Variants in GPHN observed in about 807,000 individuals in gnomAD.
GPHN encodes the protein gephyrin.
A neutral mutation model predicts 95.5 loss-of-function variants in GPHN; 17 were observed. The ratio of observed to expected loss-of-function variants is 0.18; its 90% CI spans 0.12 to 0.27. The LOEUF (loss-of-function observed/expected upper bound fraction) is 0.27. Ranked by LOEUF, GPHN falls within the 10% of genes least tolerant of loss-of-function variation. GPHN has a pLI of 1.00. For synonymous variants in GPHN, 320 were observed against 322.5 expected, an observed-to-expected ratio of 0.99 and a Z score of 0.08; for missense variants, 660 against 978.1, an observed-to-expected ratio of 0.67 and a Z score of 4.34.
chr14:67,442,198 G>A, the GPHN span, among the ~76,000 whole-genome samples: 1 of 152,114 alleles, frequency 6.6e-6, no homozygotes, highest in Non-Finnish European at 1.5e-5. Flanking sequence ...TAAGCGCCAT[G>A]AAAGCCATGA....
chr14:66,611,619 A>G (rs1233261533), intron 1 of GPHN, among the ~76,000 whole-genome samples: 1 of 152,182 alleles, frequency 6.6e-6, no homozygotes, highest in East Asian at 1.9e-4. Flanking sequence ...AATTGGTATC[A>G]GACCTCATGA....
intron 10 of GPHN, among the ~76,000 whole-genome samples, chr14:67,050,871 CA>C (rs2075274760): frequency 6.6e-6 from 1 of 152,180 alleles, no homozygotes; most frequent in Non-Finnish European, 1.5e-5. Flanking sequence ...AGGATCCACA[CA>C]GGGGAAGGGG....
the GPHN span, chr14:67,316,767 TA>T: frequency 2.9e-3 from 3,686 of 1,267,028 alleles, no homozygotes; most frequent in Non-Finnish European, 3.3e-3. Flanking sequence ...CCTTCTTGAT[TA>T]AAAAAAAAAT....
At chr14:66,873,550 G>A (rs376749566) in intron 4 of GPHN, among the ~76,000 whole-genome samples, 28 of 152,284 alleles carry the variant, frequency 1.8e-4, no homozygotes, top group African/African-American at 6.0e-4. Flanking sequence ...GTCTGAAGTC[G>A]ACCTGGGGCA....
intron 2 of GPHN, among the ~76,000 whole-genome samples, chr14:66,770,985 G>T (rs545029083): frequency 6.6e-6 from 1 of 152,248 alleles, no homozygotes; most frequent in South Asian, 2.1e-4. Flanking sequence ...AGAAAGGACT[G>T]CTGGAAAGAT....
chr14:67,547,705 G>A, the GPHN span, among the ~76,000 whole-genome samples: 9 of 152,358 alleles, frequency 5.9e-5, no homozygotes, highest in African/African-American at 1.9e-4. Context: ...AGACCTGCCT[G>A]TGGGCTGCGG....
At chr14:66,799,368 T>G (rs1372934206) in intron 3 of GPHN, among the ~76,000 whole-genome samples, 1 of 151,994 alleles carries the variant, frequency 6.6e-6, no homozygotes, top group African/African-American at 2.4e-5. Context: ...GATGTTTCTT[T>G]GATTTTCTTC....
chr14:66,627,618 A>G (rs1268117311), intron 1 of GPHN, among the ~76,000 whole-genome samples: 2 of 152,014 alleles, frequency 1.3e-5, no homozygotes, highest in African/African-American at 4.8e-5. Flanking sequence ...ACATTTTACT[A>G]ATTTTTTTGA....
At chr14:67,445,029 G>A in the GPHN span, among the ~76,000 whole-genome samples, 1 of 152,136 alleles carries the variant, frequency 6.6e-6, no homozygotes, top group Non-Finnish European at 1.5e-5. Flanking sequence ...CCAAAGTGCT[G>A]GGATTACAGG....
rs547524975 is a variant in GPHN, at chr14:67,052,965, A to G, written c.1007-5684A>G. ...CAAAGCAGCGTTAAGAGGGCAAGTTATAGCACTAAATGCCCACATCAGAAA... is the reference window on the plus strand; with the variant it reads ...CAAAGCAGCGTTAAGAGGGCAAGTTGTAGCACTAAATGCCCACATCAGAAA... On this transcript the variant is annotated intron_variant, in intron 10 of 22. Transcript: ENST00000478722. Among the ~76,000 whole-genome samples the G allele has an allele frequency of 4.9e-4, 74 of 152,194 alleles. 1 individual carries two copies. Among genetic ancestry groups the G allele is most frequent in the African/African-American group, 1.7e-3 (69 of 41,548 alleles).
At chr14:66,646,600 C>G (rs80059695) in intron 1 of GPHN, among the ~76,000 whole-genome samples, 1 of 151,824 alleles carries the variant, frequency 6.6e-6, no homozygotes, top group African/African-American at 2.4e-5. Context: ...ATCTTGAGGG[C>G]GTTATTCTAA....
At chr14:67,351,686 C>T in the GPHN span, among the ~76,000 whole-genome samples, 1 of 151,766 alleles carries the variant, frequency 6.6e-6, no homozygotes, top group Admixed American at 6.6e-5. Flanking sequence ...TTTTCTTCTT[C>T]TTCTTCTTCT....
chr14:67,185,302 C>G (rs76745477), downstream of GPHN, among the ~76,000 whole-genome samples: 1 of 152,142 alleles, frequency 6.6e-6, no homozygotes, highest in Non-Finnish European at 1.5e-5. Flanking sequence ...TTTAAGGACC[C>G]TGGTGGCCCA....
chr14:67,474,610 G>A, the GPHN span, among the ~76,000 whole-genome samples: 24 of 152,254 alleles, frequency 1.6e-4, 1 homozygote, highest in Middle Eastern at 6.8e-3. Context: ...ACAATTCAGT[G>A]GTCTTAAGTA....
At chr14:67,486,792 G>T in the GPHN span, among the ~76,000 whole-genome samples, 7 of 152,182 alleles carry the variant, frequency 4.6e-5, no homozygotes, top group African/African-American at 7.2e-5. Flanking sequence ...GTCTGGCCTG[G>T]ATTTTAGAGG....
At chr14:66,578,540 CA>C (rs959322412) in intron 1 of GPHN, among the ~76,000 whole-genome samples, 6 of 146,994 alleles carry the variant, frequency 4.1e-5, no homozygotes, top group African/African-American at 1.5e-4. Flanking sequence ...AGCGTTAAGA[CA>C]AAGAGAGGAT....
intron 1 of GPHN, among the ~76,000 whole-genome samples, chr14:66,537,055 A>G (rs941778473): frequency 4.6e-5 from 7 of 152,012 alleles, no homozygotes; most frequent in Non-Finnish European, 1.0e-4. Context: ...CTATTAATAT[A>G]GTCACTCTTT....
At chr14:67,562,943 AACACT>A in the GPHN span, 1 of 1,563,976 alleles carries the variant, frequency 6.4e-7, no homozygotes, top group Non-Finnish European at 8.7e-7. Context: ...TAATGGCAAG[AACACT>A]GCTGGCTGAG....
At chr14:66,610,679 T>C (rs750565087) in intron 1 of GPHN, among the ~76,000 whole-genome samples, 13 of 152,140 alleles carry the variant, frequency 8.5e-5, no homozygotes, top group Non-Finnish European at 7.4e-5. Flanking sequence ...GAAGACTTTA[T>C]TTAGGGTCAT....
Sources: allele counts gnomAD v4.1 joint callset (sites outside exome capture counted in the v4.1 genomes callset), GRCh38; gene constraint gnomAD v4.1.1; transcripts MANE v1.5; gene names NCBI Gene and HGNC (gene_info 2026-07-23, HGNC 2026-07-21).